The following MYH11 variants were observed in gnomAD, a reference collection of about 807,000 sequenced individuals.
MYH11 encodes the protein myosin heavy chain 11.
In MYH11, 80 loss-of-function variants were observed where a neutral mutation model predicts 246.6. The ratio of observed to expected loss-of-function variants is 0.32; its 90% CI spans 0.27 to 0.39. The LOEUF is 0.39. MYH11 is among the 10% of genes least tolerant of loss of function. The probability of loss-of-function intolerance (pLI) is 1.00; values close to 1 mark genes in which losing one functional copy is unlikely to be tolerated. For synonymous variants in MYH11, 1,071 were observed against 1,015.5 expected (o/e 1.05, Z -1.04); for missense variants, 2,158 against 2,546.8 (o/e 0.85, Z 3.29).
At chr16:15,729,602 G>A (rs2040900798) in intron 27 of MYH11, among the ~76,000 whole-genome samples, 1 of 151,448 alleles carries the variant, frequency 6.6e-6, no homozygotes, top group South Asian at 2.1e-4. Context: ...CCAGGCTGGG[G>A]TGCAGTGGCA....
intron 2 of MYH11, among the ~76,000 whole-genome samples, chr16:15,824,899 A>G (rs1037020676): frequency 6.6e-6 from 1 of 152,142 alleles, no homozygotes; most frequent in Non-Finnish European, 1.5e-5. Context: ...GTTTGACAGG[A>G]GGGCAAAGTG....
chr16:15,803,215 CT>C (rs1259468884), intron 3 of MYH11, among the ~76,000 whole-genome samples: 1 of 151,902 alleles, frequency 6.6e-6, no homozygotes, highest in African/African-American at 2.4e-5. Flanking sequence ...ATACCCGTGC[CT>C]TTAGCTTCCA....
intron 8 of MYH11, among the ~76,000 whole-genome samples, chr16:15,775,439 TGGTTTATGTGTTGCCTGAGCTCAC>T (rs1341295198): frequency 2.4e-3 from 38 of 16,000 alleles, no homozygotes; most frequent in African/African-American, 8.2e-3. Context: ...CTGAGCTCAC[TGGTTTATGTGTTGCCTGAGCTCAC>T]TGGTTTATGT....
At chr16:15,821,492 A>G (rs938977754) in intron 3 of MYH11, among the ~76,000 whole-genome samples, 2 of 152,128 alleles carry the variant, frequency 1.3e-5, no homozygotes, top group African/African-American at 4.8e-5. Context: ...TCAAGTTACA[A>G]ATAAATTTTT....
chr16:15,744,511 A>G (rs564743046), intron 20 of MYH11, among the ~76,000 whole-genome samples: 1 of 150,094 alleles, frequency 6.7e-6, no homozygotes, highest in Non-Finnish European at 1.5e-5. Flanking sequence ...AAATAAAAAA[A>G]AAAAGAAAGA....
chr16:15,820,897 AG>A (rs2043392568), intron 3 of MYH11, among the ~76,000 whole-genome samples: 1 of 152,126 alleles, frequency 6.6e-6, no homozygotes, highest in Admixed American at 6.6e-5. Flanking sequence ...TTTTGAGACA[AG>A]GTCTGGCTCT....
In MYH11 at chr16:15,724,959, C is replaced by T. The variant is rs780157741; in HGVS notation, c.3892G>A (p.Glu1298Lys). 6.8e-6 allele frequency: 11 copies of T among 1,613,980 alleles called. No homozygotes were observed. Among genetic ancestry groups the T allele is most frequent in the South Asian group, 3.3e-5 (3 of 91,082 alleles). The change falls in exon 29 of 41, where the codon GAG becomes AAG. Residue 1298 changes from glutamate to lysine, a missense_variant. By Grantham distance (56) the Glu-to-Lys change is moderately conservative. Transcript: ENST00000300036. The stretch of plus-strand genomic sequence containing the variant: ...AGCTTAATGGCCTTCCCCTCGGCCT[C>T]GTTAAGCATCCCTGTGACGCTCTCA... ...EVESVTGMLNEAEGKAIKLAK... is the reference protein window; with the variant it reads ...EVESVTGMLNKAEGKAIKLAK...
At chr16:15,714,684 T>TA (rs1157018256) in intron 40 of MYH11, 2 of 618,628 alleles carry the variant, frequency 3.2e-6, no homozygotes, top group South Asian at 1.9e-5. Flanking sequence ...GGTCGATCGT[T>TA]AAAGGATCTA....
chr16:15,826,148 TCA>T (rs947472457), intron 2 of MYH11, among the ~76,000 whole-genome samples: 3 of 151,542 alleles, frequency 2.0e-5, no homozygotes, highest in Non-Finnish European at 4.4e-5. Flanking sequence ...GTTCGTTCAT[TCA>T]TTCATTCATT....
At position 15,721,409 on chromosome 16, in the gene MYH11, C is replaced by G; in HGVS notation, c.4578+13G>C. On this transcript the variant is annotated intron_variant, in intron 32 of 40. Coordinates refer to ENST00000300036, the MANE Select transcript of MYH11 (RefSeq NM_002474.3). ...CGAAACATGGACGAGAAAAACCACC[C>G]AGAGCCACTTACGTTCTTGCCCACG... 6.2e-7 allele frequency: 1 copy of G among 1,614,090 alleles called. No individual in the cohort carries two copies. The highest frequency in any genetic ancestry group is 2.2e-5 in the East Asian group (1 of 44,878).
In MYH11 at chr16:15,718,587, T is replaced by TA. The variant is rs1228122252; in HGVS notation, c.5172-150dup. Reference sequence around the variant, plus strand: ...GAAGATTAGAAGACTCATCTGTAGTTACACAGCCAGGAAGTGGACAGCCGG... The same window carrying TA: ...GAAGATTAGAAGACTCATCTGTAGTTAACACAGCCAGGAAGTGGACAGCCGG... On this transcript the variant is annotated intron_variant, in intron 36 of 40. Coordinates refer to ENST00000300036, the MANE Select transcript of MYH11 (RefSeq NM_002474.3). 8 of 1,235,416 alleles carry TA rather than the reference T, an allele frequency of 6.5e-6. No homozygotes were observed. The East Asian group carries it at 2.0e-4, about 31-fold the overall frequency. 76.5% of individuals were successfully genotyped at this position (1,235,416 alleles called of 1,614,324 possible).
intron 7 of MYH11, among the ~76,000 whole-genome samples, chr16:15,777,096 C>T (rs374655799): frequency 1.1e-3 from 156 of 139,682 alleles, no homozygotes; most frequent in African/African-American, 3.9e-3. Flanking sequence ...GGTATACACA[C>T]GCACACATAC....
At chr16:15,764,309 G>A (rs2041933831) in intron 9 of MYH11, among the ~76,000 whole-genome samples, 1 of 152,102 alleles carries the variant, frequency 6.6e-6, no homozygotes, top group Admixed American at 6.6e-5. Context: ...CCCTGCCACA[G>A]AACAGTGAGA....
chr16:15,742,000 C>A, intron 20 of MYH11, 109 bp from the exon 21 acceptor site: 1 of 1,486,618 alleles, frequency 6.7e-7, no homozygotes, highest in Non-Finnish European at 9.1e-7. Flanking sequence ...CCCCACCGAT[C>A]CCCACTAGGG....
At chr16:15,739,994 G>A in intron 23 of MYH11, 57 bp downstream of exon 23, 1 of 1,586,750 alleles carries the variant, frequency 6.3e-7, no homozygotes, top group Admixed American at 1.7e-5. Flanking sequence ...CACATACCTT[G>A]GCCTCCCAAA....
At chr16:15,741,335 C>T (rs187817781) in intron 22 of MYH11, 128 bp downstream of exon 22, 1 of 1,078,104 alleles carries the variant, frequency 9.3e-7, no homozygotes, top group Admixed American at 1.7e-5. Context: ...AGATGACCAA[C>T]CCTCTCCAAG....
At chr16:15,844,258 C>T (rs2044131470) in intron 1 of MYH11, among the ~76,000 whole-genome samples, 1 of 152,124 alleles carries the variant, frequency 6.6e-6, no homozygotes, top group African/African-American at 2.4e-5. Flanking sequence ...AGTGCAATGG[C>T]GGGATCTTGG....
In MYH11 at chr16:15,784,820, T is replaced by A; in HGVS notation, c.633+1810A>T. On this transcript the variant is annotated intron_variant, in intron 5 of 40. Coordinates refer to ENST00000300036, the MANE Select transcript of MYH11 (RefSeq NM_002474.3). ...ATGACTTTGATCCCCCCAAACAGCCTGGAGTCTCCCAGACAGACTGGTCAG... is the reference window on the plus strand; with the variant it reads ...ATGACTTTGATCCCCCCAAACAGCCAGGAGTCTCCCAGACAGACTGGTCAG... 2.2e-6 allele frequency: 3 copies of A among 1,337,990 alleles called. No individual in the cohort carries two copies. In the South Asian group the frequency reaches 3.7e-5, roughly 16 times the overall value. 82.9% of individuals were successfully genotyped at this position (1,337,990 alleles called of 1,614,324 possible). A position where few individuals can be genotyped will look rare whatever the true frequency, so the allele number is the denominator to read the frequency against.
intron 27 of MYH11, among the ~76,000 whole-genome samples, chr16:15,731,300 G>A (rs1208714371): frequency 6.6e-6 from 1 of 152,004 alleles, no homozygotes; most frequent in Non-Finnish European, 1.5e-5. Context: ...TGGGGTCTAG[G>A]ACCAGACTGT....
Sources: gnomAD v4.1 joint callset for allele counts (sites outside exome capture counted in the v4.1 genomes callset) on GRCh38, gnomAD v4.1.1 for gene constraint, MANE v1.5 for transcripts, NCBI Gene and HGNC (gene_info 2026-07-23, HGNC 2026-07-21) for gene names.